Variants in PRKAR1B observed in about 807,000 individuals in gnomAD.
PRKAR1B encodes protein kinase cAMP-dependent type I regulatory subunit beta, also known as cAMP-dependent protein kinase type I-beta regulatory subunit.
Under a neutral mutation model 46.5 loss-of-function variants are expected in PRKAR1B, and 22 were observed. The observed-to-expected ratio is 0.47, with a 90% CI of 0.34 to 0.68. The LOEUF (loss-of-function observed/expected upper bound fraction) is 0.68. Ranked by LOEUF, PRKAR1B falls within the 30% of genes least tolerant of loss-of-function variation. The probability of loss-of-function intolerance (pLI) is 0.01; values close to 1 mark genes in which losing one functional copy is unlikely to be tolerated. For missense variants in PRKAR1B, 445 were observed against 535.6 expected (o/e 0.83, Z 1.67); for synonymous variants, 259 against 217.7 (o/e 1.19, Z -1.67).
chr7:567,578 C>G (rs1341938599), intron 9 of PRKAR1B, among the ~76,000 whole-genome samples: 2 of 152,078 alleles, frequency 1.3e-5, no homozygotes, highest in Non-Finnish European at 2.9e-5. Flanking sequence ...CCATCACCGC[C>G]ATCATCATCA....
chr7:699,699 A>G (rs1249906484), intron 2 of PRKAR1B, among the ~76,000 whole-genome samples: 1 of 152,110 alleles, frequency 6.6e-6, no homozygotes, highest in Non-Finnish European at 1.5e-5. Context: ...AGGGGTGGGG[A>G]GGAAGTTCCA....
At chr7:717,549 T>G (rs1780924513) in intron 1 of PRKAR1B, among the ~76,000 whole-genome samples, 2 of 151,978 alleles carry the variant, frequency 1.3e-5, no homozygotes, top group African/African-American at 4.8e-5. Flanking sequence ...TCCCAGCTAT[T>G]CAGGAGGCTA....
chr7:580,732 TTTC>T (rs1426476699), intron 8 of PRKAR1B, among the ~76,000 whole-genome samples: 7 of 138,014 alleles, frequency 5.1e-5, no homozygotes, highest in African/African-American at 2.0e-4. Context: ...TGATTAACGA[TTTC>T]TTTTTTGACA....
intron 9 of PRKAR1B, among the ~76,000 whole-genome samples, chr7:554,356 C>T (rs1044967793): frequency 5.9e-5 from 9 of 152,286 alleles, no homozygotes; most frequent in African/African-American, 1.4e-4. Flanking sequence ...GCTGACCTTG[C>T]GGACAGACGT....
intron 6 of PRKAR1B, among the ~76,000 whole-genome samples, chr7:598,877 G>A (rs1281363935): frequency 6.6e-6 from 1 of 152,256 alleles, no homozygotes; most frequent in Admixed American, 6.5e-5. Flanking sequence ...GCCCAGGCAA[G>A]TGGCAGGACA....
chr7:616,367 C>A (rs1325396643), intron 4 of PRKAR1B, among the ~76,000 whole-genome samples: 1 of 152,254 alleles, frequency 6.6e-6, no homozygotes. Flanking sequence ...CACGCTTCCA[C>A]CTCTGGCCAA....
At position 602,371 on chromosome 7, in the gene PRKAR1B, C is replaced by T. The variant is rs1272944852; in HGVS notation, c.549+3822G>A. On this transcript the variant is annotated intron_variant, in intron 6 of 10. Coordinates refer to ENST00000537384, the MANE Select transcript of PRKAR1B (RefSeq NM_001164760.2). The surrounding 1 kb of genome is among the most constrained non-coding windows in gnomAD (Gnocchi z 6.4). The stretch of plus-strand genomic sequence containing the variant: ...AGAGGTCGAGGGGTGGGTGGGGATT[C>T]TGCGAGGATGAGGAGGAGGAGGAGG... Among the ~76,000 whole-genome samples, 3 of 152,210 alleles carry T rather than the reference C, an allele frequency of 2.0e-5. No individual in the cohort carries two copies. Among genetic ancestry groups the T allele is most frequent in the East Asian group, 3.9e-4 (2 of 5,164 alleles).
chr7:642,371 T>C (rs183267793), intron 4 of PRKAR1B, among the ~76,000 whole-genome samples: 31 of 152,326 alleles, frequency 2.0e-4, no homozygotes, highest in Admixed American at 1.6e-3. Context: ...AGTCACTGAA[T>C]AGGCTACTTA....
At chr7:603,799 A>T (rs1201129583) in intron 6 of PRKAR1B, among the ~76,000 whole-genome samples, 1 of 145,178 alleles carries the variant, frequency 6.9e-6, no homozygotes, top group Non-Finnish European at 1.5e-5. Context: ...GGAGGAGGTG[A>T]CACCAGGACC....
In PRKAR1B at chr7:551,542, C is replaced by G. The variant is rs1784197903; in HGVS notation, c.892-72G>C. On this transcript the variant is annotated intron_variant, in intron 9 of 10. Coordinates refer to ENST00000537384, the MANE Select transcript of PRKAR1B (RefSeq NM_001164760.2). ...GGGTGGGACACACGTGAGGGGTCAC[C>G]CCACAGGGGGTCACCACCCAAACCC... 4.8e-6 allele frequency: 7 copies of G among 1,453,702 alleles called. No individual in the cohort carries two copies. In the Admixed American group the frequency reaches 1.4e-4, roughly 29 times the overall value. The allele number at this position is 1,453,702 out of a possible 1,614,324, so 90.1% of individuals were successfully genotyped here.
intron 2 of PRKAR1B, among the ~76,000 whole-genome samples, chr7:706,746 GC>G (rs2128525670): frequency 6.6e-6 from 1 of 152,182 alleles, no homozygotes; most frequent in Admixed American, 6.5e-5. Flanking sequence ...TATTTTATCT[GC>G]TTAAGTCTCC....
At chr7:571,638 C>T (rs1779520135) in intron 9 of PRKAR1B, among the ~76,000 whole-genome samples, 2 of 152,226 alleles carry the variant, frequency 1.3e-5, no homozygotes, top group Admixed American at 6.5e-5. Flanking sequence ...ATTTCGGTCT[C>T]GGGATTTTTA....
intron 7 of PRKAR1B, among the ~76,000 whole-genome samples, chr7:585,421 G>C (rs564862296): frequency 1.3e-5 from 2 of 152,172 alleles, no homozygotes; most frequent in Non-Finnish European, 2.9e-5. Flanking sequence ...CAAAAACAGA[G>C]ACACAGAGTC....
chr7:572,254 C>T (rs532473899), intron 9 of PRKAR1B, among the ~76,000 whole-genome samples: 6 of 152,326 alleles, frequency 3.9e-5, no homozygotes, highest in East Asian at 3.9e-4. Flanking sequence ...CACAGGCCTG[C>T]GGAGGAGTGA....
At chr7:723,770 C>T (rs1211816159) in intron 1 of PRKAR1B, among the ~76,000 whole-genome samples, 11 of 152,202 alleles carry the variant, frequency 7.2e-5, no homozygotes, top group South Asian at 2.1e-4. Flanking sequence ...CCTGGCCCCA[C>T]CCATCTGCTC....
rs1778624677 is a variant in PRKAR1B, at chr7:680,668, T to C, written c.236A>G (p.Asp79Gly). 6.2e-7 allele frequency: 1 copy of C among 1,613,616 alleles called. No individual in the cohort carries two copies. Among genetic ancestry groups the C allele is most frequent in the Admixed American group, 1.7e-5 (1 of 59,926 alleles). The part of the protein sequence containing the change: ...QKSNSQSDSH[D>G]EEVSPTPPNP... ...CGGGGGGGTGGGCGACACCTCCTCA[T>C]CATGGGAGTCCGACTGTGAGTTTGA... Residue 79 changes from aspartate to glycine, a missense_variant, in exon 3 of 11, where the codon GAT (aspartate) becomes GGT (glycine). Physicochemically the swap from Asp to Gly is moderately conservative, Grantham distance 94. Coordinates refer to ENST00000537384, the MANE Select transcript of PRKAR1B (RefSeq NM_001164760.2).
rs1166992523 is a variant in PRKAR1B, at chr7:650,476, C to T, written c.440+26753G>A. On this transcript the variant is annotated intron_variant, in intron 4 of 10. Transcript: ENST00000537384. ...CGGCTGCACCTCCGAACCTCCAGCT[C>T]TGGGCTGCAAACACCCCCTCCTCTG... Among the ~76,000 whole-genome samples, 3 of 152,286 alleles carry T rather than the reference C, an allele frequency of 2.0e-5. No homozygotes were observed. The East Asian group carries it at 5.8e-4, about 29-fold the overall frequency.
At chr7:552,662 G>A (rs1055747707) in intron 9 of PRKAR1B, among the ~76,000 whole-genome samples, 9 of 150,612 alleles carry the variant, frequency 6.0e-5, no homozygotes, top group Non-Finnish European at 1.2e-4. Context: ...ACAGCTCCTC[G>A]AAATGGAACT....
chr7:582,659 G>T (rs1025678484), intron 8 of PRKAR1B, among the ~76,000 whole-genome samples: 2 of 152,210 alleles, frequency 1.3e-5, no homozygotes, highest in Non-Finnish European at 2.9e-5. Flanking sequence ...ACCAGCCCTC[G>T]CCCGGAGCAG....
Sources: gnomAD v4.1 joint callset for allele counts (sites outside exome capture counted in the v4.1 genomes callset) on GRCh38, gnomAD v4.1.1 for gene constraint, Gnocchi (gnomAD v3.1) non-coding constraint, MANE v1.5 for transcripts, NCBI Gene and HGNC (gene_info 2026-07-23, HGNC 2026-07-21) for gene names.